The following MAP3K20 variants were observed in gnomAD, a reference collection of about 807,000 sequenced individuals.
The protein encoded by MAP3K20 is mitogen-activated protein kinase kinase kinase 20.
In MAP3K20, 40 loss-of-function variants were observed where a neutral mutation model predicts 85.7. The ratio of observed to expected loss-of-function variants is 0.47; its 90% CI spans 0.36 to 0.61. The LOEUF is 0.61. MAP3K20 is among the 20% of genes least tolerant of loss of function. MAP3K20 has a pLI of 0.00. For missense variants in MAP3K20, 817 were observed against 961.7 expected, an observed-to-expected ratio of 0.85 and a Z score of 1.99; for synonymous variants, 325 against 327.7, an observed-to-expected ratio of 0.99 and a Z score of 0.09.
rs1688870666 is a variant in MAP3K20 at position 173,138,541 on chromosome 2, A to G, written c.160-31264A>G. On this transcript the variant is annotated intron_variant, in intron 2 of 19. Transcript: ENST00000375213. ...GAAATCGAATACAATACACAAACTG[A>G]AATTTTAATAGCTATTTTAGTCCAA... Among the ~76,000 whole-genome samples the G allele has an allele frequency of 3.3e-5, 5 of 152,200 alleles. 1 individual carries two copies. In the South Asian group the frequency reaches 1.0e-3, roughly 32 times the overall value.
At chr2:173,251,346 T>C (rs1322084719) in intron 16 of MAP3K20, among the ~76,000 whole-genome samples, 1 of 152,122 alleles carries the variant, frequency 6.6e-6, no homozygotes. Context: ...GGAGTGGTGG[T>C]GGATTTTGAA....
In MAP3K20 at chr2:173,136,404, T is replaced by G. The variant is rs149532533; in HGVS notation, c.160-33401T>G. On this transcript the variant is annotated intron_variant, in intron 2 of 19. Coordinates refer to ENST00000375213, the MANE Select transcript of MAP3K20 (RefSeq NM_016653.3). Reference sequence around the variant, plus strand: ...ATGTTTTAAACCCAAACATGAAAATTAGAATTCTTTTACACACAATCTGAC... The same window carrying G: ...ATGTTTTAAACCCAAACATGAAAATGAGAATTCTTTTACACACAATCTGAC... 4.3e-4 allele frequency among the ~76,000 whole-genome samples: 66 copies of G among 152,310 alleles called. No individual in the cohort carries two copies. In the East Asian group the frequency reaches 0.013, roughly 29 times the overall value.
At chr2:173,192,991 T>TA (rs1690708010) in intron 7 of MAP3K20, 3 of 152,120 alleles carry the variant, frequency 2.0e-5, no homozygotes, top group South Asian at 2.1e-4. Context: ...TTTTGTTTCT[T>TA]ACAACCCATC....
intron 2 of MAP3K20, among the ~76,000 whole-genome samples, chr2:173,120,979 T>C (rs1688270519): frequency 6.6e-6 from 1 of 152,070 alleles, no homozygotes. Context: ...AGTGCTGGGA[T>C]TACAGGCGTG....
rs770195520 is a variant in MAP3K20, at chr2:173,266,639, C to T, written c.2292C>T (p.Ser764=). Residue 764 remains serine (S), a synonymous_variant, in exon 20 of 20, where the codon AGC becomes AGT. Transcript: ENST00000375213. The part of the protein sequence containing the change: ...SRASEEDSKV[S]EGGWTKVEYR... ...CCAGTGAAGAGGACAGCAAAGTCAG[C>T]GAAGGGGGCTGGACAAAAGTGGAAT... The T allele has an allele frequency of 2.0e-5, 32 of 1,613,404 alleles. No individual in the cohort carries two copies. In the Admixed American group the frequency reaches 4.7e-4, roughly 24 times the overall value.
intron 2 of MAP3K20, among the ~76,000 whole-genome samples, chr2:173,106,323 T>C (rs867151333): frequency 2.0e-5 from 3 of 152,336 alleles, no homozygotes; most frequent in African/African-American, 7.2e-5. Flanking sequence ...GTCAAGATAG[T>C]GTGGTATTTG....
At chr2:173,238,484 T>C in intron 15 of MAP3K20, 49 bp downstream of exon 15, 2 of 1,503,566 alleles carry the variant, frequency 1.3e-6, no homozygotes, top group East Asian at 2.3e-5. Context: ...TATTGACACA[T>C]GCACCTGCTG....
rs1205093434 is a variant in MAP3K20, at chr2:173,243,869, G to A, written c.1359+4373G>A. 2.0e-5 allele frequency among the ~76,000 whole-genome samples: 3 copies of A among 152,048 alleles called. No individual in the cohort carries two copies. In the East Asian group the frequency reaches 5.8e-4, roughly 29 times the overall value. On this transcript the variant is annotated intron_variant, in intron 16 of 19. Transcript: ENST00000375213. ...TCTCGATCTCCTGATCTCGTGATCC[G>A]CCCGCCTCGGCCTCCCAAAGTGCTG...
intron 2 of MAP3K20, among the ~76,000 whole-genome samples, chr2:173,115,394 C>T (rs1196575634): frequency 6.6e-6 from 1 of 152,080 alleles, no homozygotes; most frequent in African/African-American, 2.4e-5. Flanking sequence ...TAACTAACGT[C>T]CTTAATTCTT....
intron 17 of MAP3K20, 31 bp downstream of exon 17, chr2:173,258,846 T>C: frequency 7.3e-7 from 1 of 1,372,424 alleles, no homozygotes; most frequent in South Asian, 1.2e-5. Flanking sequence ...TAAAAGCTCT[T>C]TTGAATTCAC....
intron 1 of MAP3K20, among the ~76,000 whole-genome samples, chr2:173,077,081 A>G (rs1031325635): frequency 6.6e-6 from 1 of 152,184 alleles, no homozygotes; most frequent in African/African-American, 2.4e-5. Flanking sequence ...GGCCCATTCC[A>G]AGTATGGTAC....
Position 173,205,123 on chromosome 2 carries a change from TAAATAAATA to T in MAP3K20, c.744+1261_744+1269del, listed in dbSNP as rs1457607085. Among the ~76,000 whole-genome samples the T allele has an allele frequency of 7.2e-5, 9 of 124,682 alleles. 1 individual carries two copies. The highest frequency in any genetic ancestry group is 3.0e-4 in the African/African-American group (9 of 29,632). 81.8% of individuals were successfully genotyped at this position (124,682 alleles called of 152,430 possible). A position where few individuals can be genotyped will look rare whatever the true frequency, so the allele number is the denominator to read the frequency against. On this transcript the variant is annotated intron_variant, in intron 9 of 19. Coordinates refer to ENST00000375213, the MANE Select transcript of MAP3K20 (RefSeq NM_016653.3). ...GTCTCAAAAAAAAAAAAAAAAAAAA[TAAATAAATA>T]AAATAAAACATATTCTCACAGATTA...
chr2:173,094,648 C>T (rs1687407465), intron 2 of MAP3K20, among the ~76,000 whole-genome samples: 1 of 152,086 alleles, frequency 6.6e-6, no homozygotes, highest in African/African-American at 2.4e-5. Flanking sequence ...TATAATGTCC[C>T]TCATTTGGGG....
In MAP3K20 at chr2:173,266,492, C is replaced by T. The variant is rs748765340; in HGVS notation, c.2145C>T (p.Tyr715=). 20 of 1,613,998 alleles carry T rather than the reference C, an allele frequency of 1.2e-5. No homozygotes were observed. The East Asian group carries it at 4.0e-4, about 32-fold the overall frequency. Residue 715 remains tyrosine, a synonymous_variant, in exon 20 of 20, where the codon TAC becomes TAT. Coordinates refer to ENST00000375213, the MANE Select transcript of MAP3K20 (RefSeq NM_016653.3). The part of the protein sequence containing the change: ...PSRGRYPGKF[Y]RVSQSALNPH... ...GAGGAAGATACCCTGGAAAGTTCTACAGGGTTTCTCAGTCAGCACTCAATC... is the reference window on the plus strand; with the variant it reads ...GAGGAAGATACCCTGGAAAGTTCTATAGGGTTTCTCAGTCAGCACTCAATC...
intron 11 of MAP3K20, chr2:173,222,948 T>A (rs1684290814): frequency 1.0e-6 from 1 of 985,182 alleles, no homozygotes; most frequent in Non-Finnish European, 1.2e-6. Flanking sequence ...TAGAAAGGAG[T>A]GTCATTATTT....
At chr2:173,128,323 ATTT>A (rs1688506224) in intron 2 of MAP3K20, among the ~76,000 whole-genome samples, 1 of 145,486 alleles carries the variant, frequency 6.9e-6, no homozygotes, top group Admixed American at 7.1e-5. Flanking sequence ...TTATTTATTT[ATTT>A]ATTTATTTAT....
At chr2:173,178,726 A>G in intron 3 of MAP3K20, among the ~76,000 whole-genome samples, 1 of 152,338 alleles carries the variant, frequency 6.6e-6, no homozygotes, top group Middle Eastern at 3.4e-3. Context: ...GGTGAATTCT[A>G]TAAAATGTTT....
At chr2:173,090,961 T>A (rs1176856981) in intron 1 of MAP3K20, 37 bp from the exon 2 acceptor site, 3 of 1,543,200 alleles carry the variant, frequency 1.9e-6, no homozygotes, top group Non-Finnish European at 2.6e-6. Context: ...GCCTAATATA[T>A]TTGTAATTCA....
At chr2:173,164,401 G>T (rs1407983971) in intron 2 of MAP3K20, among the ~76,000 whole-genome samples, 1 of 152,074 alleles carries the variant, frequency 6.6e-6, no homozygotes, top group Non-Finnish European at 1.5e-5. Flanking sequence ...TTTTAATGGG[G>T]TTGTTTTTTG....
Sources: gnomAD v4.1 joint callset for allele counts (sites outside exome capture counted in the v4.1 genomes callset) on GRCh38, gnomAD v4.1.1 for gene constraint, MANE v1.5 for transcripts, NCBI Gene and HGNC (gene_info 2026-07-23, HGNC 2026-07-21) for gene names.